The following PLXNC1 variants were observed in gnomAD, a reference collection of about 807,000 sequenced individuals.
PLXNC1 encodes the protein plexin C1.
Under a neutral mutation model 178.2 loss-of-function variants are expected in PLXNC1, and 75 were observed. The observed-to-expected ratio is 0.42, with a 90% confidence interval of 0.35 to 0.51. The LOEUF is 0.51. Among genes scored for constraint, PLXNC1 ranks in the 20% least tolerant of loss-of-function variants. The pLI is 0.02. For missense variants in PLXNC1, 1,503 were observed against 1,984.4 expected (o/e 0.76, Z 4.61); for synonymous variants, 790 against 779.9 (o/e 1.01, Z -0.22).
chr12:94,181,316 A>G, intron 2 of PLXNC1, 130 bp from the exon 3 acceptor site: 1 of 560,622 alleles, frequency 1.8e-6, no homozygotes, highest in Non-Finnish European at 3.2e-6. Flanking sequence ...TGAACCTGGG[A>G]GGCGGAGGTT....
intron 1 of PLXNC1, among the ~76,000 whole-genome samples, chr12:94,161,735 A>T (rs991915860): frequency 4.6e-5 from 7 of 152,216 alleles, no homozygotes; most frequent in African/African-American, 1.7e-4. Flanking sequence ...TGAGCTATGG[A>T]TGTGAAATTC....
chr12:94,292,975 C>T (rs1967507723), intron 23 of PLXNC1, among the ~76,000 whole-genome samples: 1 of 151,918 alleles, frequency 6.6e-6, no homozygotes, highest in African/African-American at 2.4e-5. Flanking sequence ...AAATAGAAGC[C>T]CTCTCCTGGC....
At chr12:94,279,305 A>G (rs1255689529) in intron 21 of PLXNC1, among the ~76,000 whole-genome samples, 167 bp from the exon 22 acceptor site, 4 of 152,230 alleles carry the variant, frequency 2.6e-5, no homozygotes, top group Non-Finnish European at 5.9e-5. Flanking sequence ...TTATCCCTGA[A>G]AAGAATGGAT....
rs1484689393 is a variant in PLXNC1 at position 94,240,649 on chromosome 12, C to A, written c.2285C>A (p.Ala762Asp). The change falls in exon 11 of 31, where the codon GCT (alanine) becomes GAT (aspartate). Residue 762 changes from alanine (A) to aspartate (D), a missense_variant. By Grantham distance (126) the Ala-to-Asp change is moderately radical. Around this residue, in one of 4 missense-constraint regions of PLXNC1, gnomAD observed 639 missense variants for 979.7 expected, o/e 0.65. Coordinates refer to ENST00000258526, the MANE Select transcript of PLXNC1 (RefSeq NM_005761.3). Reference protein sequence around the residue: ...ALPHCSLIFPATTWISGGQNI... With the variant: ...ALPHCSLIFPDTTWISGGQNI... ...CCACATTGTTCCCTTATATTTCCTG[C>A]TACCACCTGGATCAGGTACTTTCTA... 6.2e-7 allele frequency: 1 copy of A among 1,611,652 alleles called. No individual in the cohort carries two copies. The highest frequency in any genetic ancestry group is 1.7e-5 in the Admixed American group (1 of 59,898).
At position 94,306,030 on chromosome 12, in the gene PLXNC1, C is replaced by G. The variant is rs1039070492; in HGVS notation, c.*745C>G. 2 of 152,080 alleles carry G rather than the reference C, an allele frequency of 1.3e-5. No individual in the cohort carries two copies. The highest frequency in any genetic ancestry group is 4.8e-5 in the African/African-American group (2 of 41,390). 9.4% of individuals were successfully genotyped at this position (152,080 alleles called of 1,614,324 possible). A position where few individuals can be genotyped will look rare whatever the true frequency, so the allele number is the denominator to read the frequency against. ...TGTCCTAATGTATGTTCCTTTTCTT[C>G]ATCTGTTTTTTCATACTAAATGTAT... On this transcript the variant is annotated 3_prime_UTR_variant, in exon 31 of 31. Transcript: ENST00000258526.
intron 26 of PLXNC1, 107 bp downstream of exon 26, chr12:94,297,530 C>CT (rs1295954586): frequency 2.7e-6 from 2 of 742,510 alleles, no homozygotes; most frequent in African/African-American, 3.5e-5. Flanking sequence ...CTTGTGCCTT[C>CT]TAGCAAAGCA....
At chr12:94,205,241 T>G (rs1963264088) in intron 4 of PLXNC1, among the ~76,000 whole-genome samples, 1 of 152,098 alleles carries the variant, frequency 6.6e-6, no homozygotes, top group Non-Finnish European at 1.5e-5. Context: ...ATTAATAATT[T>G]AAGCCATGCC....
intron 5 of PLXNC1, among the ~76,000 whole-genome samples, chr12:94,214,111 G>T (rs1181542666): frequency 6.7e-6 from 1 of 149,390 alleles, no homozygotes; most frequent in Non-Finnish European, 1.5e-5. Flanking sequence ...TTTTGACAGG[G>T]TCTCCCTCTG....
chr12:94,250,191 C>T (rs1485592136), intron 14 of PLXNC1, among the ~76,000 whole-genome samples: 1 of 152,108 alleles, frequency 6.6e-6, no homozygotes, highest in African/African-American at 2.4e-5. Context: ...GCAGAGGCTT[C>T]TGAGGTTAGA....
At chr12:94,253,743 G>T (rs752182622) in intron 15 of PLXNC1, among the ~76,000 whole-genome samples, 1 of 151,426 alleles carries the variant, frequency 6.6e-6, no homozygotes, top group Admixed American at 6.6e-5. Flanking sequence ...GCACGATCAC[G>T]GCTCACTGCA....
chr12:94,181,689 GCC>G, intron 3 of PLXNC1, 109 bp downstream of exon 3: 1 of 974,388 alleles, frequency 1.0e-6, no homozygotes, highest in Non-Finnish European at 1.6e-6. Flanking sequence ...TTTAAGCAGT[GCC>G]CCAGGCTTTG....
chr12:94,299,960 A>G (rs1450495988), intron 27 of PLXNC1, among the ~76,000 whole-genome samples: 1 of 152,176 alleles, frequency 6.6e-6, no homozygotes, highest in East Asian at 1.9e-4. Flanking sequence ...GAGCAGGGGC[A>G]GCAGCCAGGA....
chr12:94,219,124 G>A (rs1226908591), intron 5 of PLXNC1, among the ~76,000 whole-genome samples: 1 of 152,120 alleles, frequency 6.6e-6, no homozygotes, highest in Non-Finnish European at 1.5e-5. Flanking sequence ...TCAGGAAATG[G>A]TAAGAAAATT....
chr12:94,154,640 G>A (rs530311064), intron 1 of PLXNC1, among the ~76,000 whole-genome samples: 1 of 152,352 alleles, frequency 6.6e-6, no homozygotes, highest in East Asian at 1.9e-4. Flanking sequence ...CCTGTATGGA[G>A]CAAGCTAAGC....
chr12:94,297,110 C>A, intron 24 of PLXNC1, 79 bp from the exon 25 acceptor site: 2 of 1,386,260 alleles, frequency 1.4e-6, no homozygotes, highest in Non-Finnish European at 1.0e-6. Context: ...ACAAATGGGG[C>A]CTTTTAAGAG....
intron 4 of PLXNC1, among the ~76,000 whole-genome samples, chr12:94,191,833 C>G (rs1962738105): frequency 6.6e-6 from 1 of 151,504 alleles, no homozygotes. Flanking sequence ...AAACAATGAG[C>G]TCTAAAAAGT....
At chr12:94,175,522 G>A (rs577368966) in intron 2 of PLXNC1, among the ~76,000 whole-genome samples, 4 of 152,302 alleles carry the variant, frequency 2.6e-5, no homozygotes, top group African/African-American at 9.6e-5. Flanking sequence ...TTTCAGCAGT[G>A]TAGTTGGGAG....
intron 15 of PLXNC1, chr12:94,254,491 C>A: frequency 1.8e-6 from 1 of 542,104 alleles, no homozygotes; most frequent in South Asian, 1.5e-5. Context: ...CAACTGGGAT[C>A]TTTGGTTACA....
In PLXNC1 at chr12:94,209,602, A is replaced by T. The variant is rs767759105; in HGVS notation, c.1452A>T (p.Gln484His). The change falls in exon 5 of 31, where the codon CAA becomes CAT. Residue 484 changes from glutamine (Q) to histidine (H), a missense_variant. By Grantham distance (24) the Gln-to-His change is conservative. Transcript: ENST00000258526. ...WCHSLQRCTF[Q>H]GDCVHSENLE... Reference sequence around the variant, plus strand: ...CTCGTTTTTTTAGGTGCACTTTTCAAGGAGATTGTGTACATTCAGAGAACT... The same window carrying T: ...CTCGTTTTTTTAGGTGCACTTTTCATGGAGATTGTGTACATTCAGAGAACT... 1 of 1,610,172 alleles carries T rather than the reference A, an allele frequency of 6.2e-7. No individual in the cohort carries two copies. Among genetic ancestry groups the T allele is most frequent in the East Asian group, 2.2e-5 (1 of 44,862 alleles).
Sources: gnomAD v4.1 joint callset for allele counts (sites outside exome capture counted in the v4.1 genomes callset) on GRCh38, gnomAD v4.1.1 for gene constraint, gnomAD v4.1.1 regional missense constraint, MANE v1.5 for transcripts, NCBI Gene and HGNC (gene_info 2026-07-23, HGNC 2026-07-21) for gene names.